RAB38: variants seen among roughly 807,000 people sequenced by gnomAD.
RAB38 encodes RAB38, member RAS oncogene family.
RAB38 carries 15 observed loss-of-function variants against 18.4 expected under a neutral mutation model. The ratio of observed to expected loss-of-function variants is 0.82; its 90% CI spans 0.55 to 1.26. The LOEUF is 1.26. RAB38 is among the 50% of genes most tolerant of loss of function. The pLI is 0.00. For synonymous variants in RAB38, 101 were observed against 104.4 expected (o/e 0.97, Z 0.20); for missense variants, 294 against 267.4 (o/e 1.10, Z -0.69).
intron 1 of RAB38, chr11:88,167,785 C>T (rs1299979566): frequency 2.6e-5 from 4 of 152,100 alleles, no homozygotes; most frequent in Non-Finnish European, 4.4e-5. Context: ...GAGTCTCAGA[C>T]TTGACCTTGC....
the RAB38 span, among the ~76,000 whole-genome samples, chr11:88,053,053 A>G: frequency 7.7e-6 from 1 of 129,482 alleles, no homozygotes; most frequent in East Asian, 2.1e-4. Context: ...CATATATGGA[A>G]TATATATATT....
chr11:88,046,037 T>A, the RAB38 span, among the ~76,000 whole-genome samples: 1 of 151,992 alleles, frequency 6.6e-6, no homozygotes, highest in Non-Finnish European at 1.5e-5. Flanking sequence ...GTTCAAAGCC[T>A]CCTTTACATT....
At chr11:88,132,816 G>A (rs1340884543) in intron 2 of RAB38, among the ~76,000 whole-genome samples, 1 of 152,086 alleles carries the variant, frequency 6.6e-6, no homozygotes, top group African/African-American at 2.4e-5. Context: ...TGGAATTATA[G>A]CTTGAAACCA....
the RAB38 span, among the ~76,000 whole-genome samples, chr11:87,916,636 G>T: frequency 1.3e-5 from 2 of 152,024 alleles, no homozygotes; most frequent in South Asian, 2.1e-4. Flanking sequence ...AAGTTACCCA[G>T]TCTCAAGTAT....
chr11:87,858,323 T>A, the RAB38 span, among the ~76,000 whole-genome samples: 1 of 152,100 alleles, frequency 6.6e-6, no homozygotes, highest in African/African-American at 2.4e-5. Flanking sequence ...CACGTTGTCA[T>A]TTCTTTTCTT....
rs1020467402 is a variant in RAB38, at chr11:88,119,238, T to A, written c.484-5098A>T. On this transcript the variant is annotated intron_variant, in intron 2 of 2. Coordinates refer to ENST00000243662, the MANE Select transcript of RAB38 (RefSeq NM_022337.3). ...ACCTAGCATGAGCATTAAAAAAAAA[T>A]TCCCAGTTAGGCATGGTGATGGGAT... Among the ~76,000 whole-genome samples the A allele has an allele frequency of 3.9e-5, 6 of 152,192 alleles. No individual in the cohort carries two copies. In the East Asian group the frequency reaches 9.7e-4, roughly 25 times the overall value.
the RAB38 span, among the ~76,000 whole-genome samples, chr11:88,077,210 G>A: frequency 6.6e-6 from 1 of 151,712 alleles, no homozygotes; most frequent in African/African-American, 2.4e-5. Flanking sequence ...TAATTAAAAT[G>A]ACAATATGAC....
At chr11:87,943,968 C>A in the RAB38 span, among the ~76,000 whole-genome samples, 2 of 152,180 alleles carry the variant, frequency 1.3e-5, no homozygotes, top group Admixed American at 1.3e-4. Flanking sequence ...TCATTCAATT[C>A]AAAAAGTTTT....
chr11:87,955,041 CAGCAGAAGAAAAG>C, the RAB38 span, among the ~76,000 whole-genome samples: 3 of 152,154 alleles, frequency 2.0e-5, no homozygotes, highest in Non-Finnish European at 4.4e-5. Flanking sequence ...AAAAGGAGCA[CAGCAGAAGAAAAG>C]AGCAGGAGCA....
intron 2 of RAB38, among the ~76,000 whole-genome samples, chr11:88,143,322 T>C (rs1942939899): frequency 6.6e-6 from 1 of 152,222 alleles, no homozygotes; most frequent in Admixed American, 6.5e-5. Flanking sequence ...GAGACATCAG[T>C]GGTAAACTTT....
chr11:87,953,424 T>G, the RAB38 span, among the ~76,000 whole-genome samples: 2 of 152,208 alleles, frequency 1.3e-5, no homozygotes, highest in Non-Finnish European at 2.9e-5. Flanking sequence ...CCCCCCTTAC[T>G]GGCAGTTTCA....
At chr11:87,898,523 A>G in the RAB38 span, among the ~76,000 whole-genome samples, 1 of 151,708 alleles carries the variant, frequency 6.6e-6, no homozygotes, top group Admixed American at 6.6e-5. Context: ...CAGCAGGAGC[A>G]TGTCTGGTTT....
the RAB38 span, among the ~76,000 whole-genome samples, chr11:88,074,310 G>GT: frequency 6.6e-6 from 1 of 152,096 alleles, no homozygotes; most frequent in Non-Finnish European, 1.5e-5. Context: ...AAAGACTAAT[G>GT]TATCAGAAAC....
the RAB38 span, among the ~76,000 whole-genome samples, chr11:88,087,394 G>C: frequency 6.6e-6 from 1 of 151,940 alleles, no homozygotes; most frequent in Non-Finnish European, 1.5e-5. Flanking sequence ...TCACTGTTCT[G>C]CAGGCTTTAC....
chr11:87,951,799 C>G, the RAB38 span, among the ~76,000 whole-genome samples: 1 of 152,124 alleles, frequency 6.6e-6, no homozygotes, highest in African/African-American at 2.4e-5. Flanking sequence ...AGGTGTCAGT[C>G]TGCCCCTACT....
the RAB38 span, among the ~76,000 whole-genome samples, chr11:88,046,231 C>T: frequency 1.3e-5 from 2 of 152,190 alleles, no homozygotes; most frequent in Non-Finnish European, 2.9e-5. Context: ...TGGCCTGCTA[C>T]AGCATGGTCT....
the RAB38 span, among the ~76,000 whole-genome samples, chr11:87,816,811 T>C: frequency 2.8e-4 from 42 of 152,222 alleles, 1 homozygote; most frequent in South Asian, 8.7e-3. Context: ...TGGGAGCTTG[T>C]AAAAATGCAG....
the RAB38 span, among the ~76,000 whole-genome samples, chr11:87,856,062 C>T: frequency 5.3e-5 from 8 of 152,068 alleles, no homozygotes; most frequent in African/African-American, 1.4e-4. Context: ...AAACTTAAAA[C>T]AATTAAAGGT....
chr11:87,884,716 A>G, the RAB38 span, among the ~76,000 whole-genome samples: 1 of 151,950 alleles, frequency 6.6e-6, no homozygotes, highest in Non-Finnish European at 1.5e-5. Context: ...TGGGCAAAAA[A>G]GGGATATCAA....
Sources: gnomAD v4.1 joint callset for allele counts (sites outside exome capture counted in the v4.1 genomes callset) on GRCh38, gnomAD v4.1.1 for gene constraint, MANE v1.5 for transcripts, NCBI Gene and HGNC (gene_info 2026-07-23, HGNC 2026-07-21) for gene names.